The following NALF1 variants were observed in gnomAD, a reference collection of about 807,000 sequenced individuals.
The protein encoded by NALF1 is family with sequence similarity 155 member A.
Under a neutral mutation model 48.4 loss-of-function variants are expected in NALF1, and 3 were observed. The observed-to-expected ratio is 0.06, with a 90% CI of 0.03 to 0.16. The LOEUF (loss-of-function observed/expected upper bound fraction) is 0.16, where lower values mean the gene tolerates loss of function less well. Among genes scored for constraint, NALF1 ranks in the 10% least tolerant of loss-of-function variants. The pLI is 1.00. For synonymous variants in NALF1, 262 were observed against 245.7 expected, an observed-to-expected ratio of 1.07 and a Z score of -0.62; for missense variants, 526 against 571.5, an observed-to-expected ratio of 0.92 and a Z score of 0.81.
rs1051561106 is a variant in NALF1, at chr13:107,546,125, G to A, written c.915+319557C>T. Among the ~76,000 whole-genome samples, 68 of 152,160 alleles carry A rather than the reference G, an allele frequency of 4.5e-4. 1 individual carries two copies. The highest frequency in any genetic ancestry group is 1.8e-3 in the Admixed American group (27 of 15,270). On this transcript the variant is annotated intron_variant, in intron 1 of 2. Transcript: ENST00000375915. ...TCCCAGCAGTTATAGCCAACAACCC[G>A]ATAAACCTGCCAACACCCACTTGGC...
At chr13:107,413,832 G>A (rs1229629141) in intron 1 of NALF1, among the ~76,000 whole-genome samples, 1 of 152,120 alleles carries the variant, frequency 6.6e-6, no homozygotes, top group East Asian at 1.9e-4. Context: ...TGTTGCCCAG[G>A]CTGGAGTGGA....
intron 1 of NALF1, among the ~76,000 whole-genome samples, chr13:107,826,527 G>C (rs543948361): frequency 6.6e-6 from 1 of 152,216 alleles, no homozygotes; most frequent in African/African-American, 2.4e-5. Flanking sequence ...GGGGCTCCAG[G>C]CTGAATGGTG....
chr13:107,662,496 A>T (rs996554565), intron 1 of NALF1, among the ~76,000 whole-genome samples: 1 of 152,192 alleles, frequency 6.6e-6, no homozygotes, highest in African/African-American at 2.4e-5. Flanking sequence ...TAACTAGCAG[A>T]TACACAAATA....
At chr13:107,512,727 C>T (rs1219961107) in intron 1 of NALF1, among the ~76,000 whole-genome samples, 3 of 152,092 alleles carry the variant, frequency 2.0e-5, no homozygotes, top group African/African-American at 4.8e-5. Context: ...ATCAAGGGTA[C>T]TTCTGGTTCA....
At chr13:107,410,215 C>T (rs1594047721) in intron 1 of NALF1, among the ~76,000 whole-genome samples, 1 of 152,118 alleles carries the variant, frequency 6.6e-6, no homozygotes, top group Non-Finnish European at 1.5e-5. Flanking sequence ...ATGCTCATTG[C>T]TCAACTGATT....
At position 107,556,356 on chromosome 13, in the gene NALF1, G is replaced by T. The variant is rs1429165451; in HGVS notation, c.915+309326C>A. Among the ~76,000 whole-genome samples the T allele has an allele frequency of 1.5e-3, 233 of 151,238 alleles. 1 individual carries two copies. The highest frequency in any genetic ancestry group is 4.1e-3 in the African/African-American group (169 of 41,020). ...ACACACACATATATATATATAGAGA[G>T]AGAGAGAGAGAGAGTCTTAGAAAAT... On this transcript the variant is annotated intron_variant, in intron 1 of 2. Transcript: ENST00000375915.
intron 1 of NALF1, among the ~76,000 whole-genome samples, chr13:107,842,267 G>C (rs1179904288): frequency 6.6e-6 from 1 of 151,860 alleles, no homozygotes; most frequent in Non-Finnish European, 1.5e-5. Flanking sequence ...AATGAAGTAT[G>C]CCTATTTTAT....
chr13:107,206,714 G>A (rs1217520023), intron 2 of NALF1, among the ~76,000 whole-genome samples: 1 of 152,136 alleles, frequency 6.6e-6, no homozygotes, highest in Non-Finnish European at 1.5e-5. Flanking sequence ...TACAGAGAAC[G>A]CTAAGAAAAG....
intron 2 of NALF1, among the ~76,000 whole-genome samples, chr13:107,209,221 C>A (rs747113082): frequency 6.6e-6 from 1 of 152,140 alleles, no homozygotes; most frequent in South Asian, 2.1e-4. Flanking sequence ...AAATACTAAT[C>A]CAGGCTGGGC....
rs369890064 is a variant in NALF1 at position 107,569,458 on chromosome 13, C to T, written c.915+296224G>A. On this transcript the variant is annotated intron_variant, in intron 1 of 2. Coordinates refer to ENST00000375915, the MANE Select transcript of NALF1 (RefSeq NM_001080396.3). ...CCGCACTCCAGCCTGGGCGACACAGCGAGACTCCGTCTCAAAAAAAAAAAG... is the reference window on the plus strand; with the variant it reads ...CCGCACTCCAGCCTGGGCGACACAGTGAGACTCCGTCTCAAAAAAAAAAAG... Among the ~76,000 whole-genome samples, 459 of 151,552 alleles carry T rather than the reference C, an allele frequency of 3.0e-3. 3 individuals are homozygous for T. Among genetic ancestry groups the T allele is most frequent in the African/African-American group, 0.011 (442 of 41,290 alleles).
intron 1 of NALF1, among the ~76,000 whole-genome samples, chr13:107,631,229 A>G (rs1323806189): frequency 2.0e-5 from 3 of 152,078 alleles, no homozygotes; most frequent in East Asian, 1.9e-4. Context: ...TTTTTAATGC[A>G]TAAGTAATAA....
chr13:107,569,348 T>C (rs1594134579), intron 1 of NALF1, among the ~76,000 whole-genome samples: 1 of 151,988 alleles, frequency 6.6e-6, no homozygotes, highest in South Asian at 2.1e-4. Context: ...GGTGGGTGCT[T>C]GTAGTCCCAG....
chr13:107,427,590 C>T (rs1377217671), intron 1 of NALF1, among the ~76,000 whole-genome samples: 21 of 151,964 alleles, frequency 1.4e-4, no homozygotes. Context: ...ATTAAGGTTG[C>T]AAAAAGAAAA....
At chr13:107,856,901 T>G (rs1880452427) in intron 1 of NALF1, among the ~76,000 whole-genome samples, 1 of 152,206 alleles carries the variant, frequency 6.6e-6, no homozygotes, top group Non-Finnish European at 1.5e-5. Context: ...CCCTTGCTTT[T>G]GTAGGAGAGC....
In NALF1 at chr13:107,209,241, C is replaced by G. The variant is rs180766274; in HGVS notation, c.1087+1343G>C. ...CTAATCCAGGCTGGGCACAGTGGCT[C>G]ACGCCTGTAATTCCAACACTTTTGG... On this transcript the variant is annotated intron_variant, in intron 2 of 2. Coordinates refer to ENST00000375915, the MANE Select transcript of NALF1 (RefSeq NM_001080396.3). Among the ~76,000 whole-genome samples, 3 of 152,322 alleles carry G rather than the reference C, an allele frequency of 2.0e-5. No individual in the cohort carries two copies. The East Asian group carries it at 5.8e-4, about 29-fold the overall frequency.
intron 1 of NALF1, among the ~76,000 whole-genome samples, chr13:107,454,874 T>C (rs1884799174): frequency 6.6e-6 from 1 of 152,176 alleles, no homozygotes; most frequent in Admixed American, 6.5e-5. Context: ...TTTTCATGAC[T>C]ACTGTGGTTA....
At chr13:107,817,595 TC>T (rs1313361096) in intron 1 of NALF1, among the ~76,000 whole-genome samples, 1 of 152,226 alleles carries the variant, frequency 6.6e-6, no homozygotes, top group East Asian at 1.9e-4. Flanking sequence ...GGGTAAACCA[TC>T]CATCTGTGCC....
chr13:107,512,773 T>G (rs896100229), intron 1 of NALF1, among the ~76,000 whole-genome samples: 4 of 152,104 alleles, frequency 2.6e-5, no homozygotes, highest in African/African-American at 4.8e-5. Flanking sequence ...GGTAAGTAAC[T>G]CCAGAGTGTT....
At chr13:107,302,956 C>T (rs1881866653) in intron 1 of NALF1, among the ~76,000 whole-genome samples, 1 of 152,204 alleles carries the variant, frequency 6.6e-6, no homozygotes, top group Non-Finnish European at 1.5e-5. Flanking sequence ...ATTTGGCTTT[C>T]AGGCTGTAGT....
Sources: allele counts gnomAD v4.1 joint callset (sites outside exome capture counted in the v4.1 genomes callset), GRCh38; gene constraint gnomAD v4.1.1; transcripts MANE v1.5; gene names NCBI Gene and HGNC (gene_info 2026-07-23, HGNC 2026-07-21).